Variants in TRPC5OS observed in about 807,000 individuals in gnomAD.
The protein encoded by TRPC5OS is TRPC5 opposite strand.
For missense variants in TRPC5OS, 64 were observed against 79.3 expected, an observed-to-expected ratio of 0.81 and a Z score of 0.73; for synonymous variants, 30 against 29.3, an observed-to-expected ratio of 1.02 and a Z score of -0.08.
chrX:111,886,719 G>A (rs749017401), intron 1 of TRPC5OS, among the ~76,000 whole-genome samples: 7 of 111,873 alleles, frequency 6.3e-5, no homozygotes, highest in Middle Eastern at 4.6e-3. Context: ...CTCCCTCTCT[G>A]GTACTGTGGA....
At chrX:111,882,230 A>G (rs1924258369) in intron 1 of TRPC5OS, among the ~76,000 whole-genome samples, 2 of 110,367 alleles carry the variant, frequency 1.8e-5, no homozygotes, top group South Asian at 3.9e-4. Flanking sequence ...GTTATATAAA[A>G]GAGTATCCCC....
intron 1 of TRPC5OS, among the ~76,000 whole-genome samples, chrX:111,888,706 A>AT (rs1924646855): frequency 9.6e-6 from 1 of 103,648 alleles, no homozygotes; most frequent in African/African-American, 3.6e-5. Flanking sequence ...AAAAAAAAAA[A>AT]AAAAAAAAAA....
intron 1 of TRPC5OS, among the ~76,000 whole-genome samples, chrX:111,880,965 A>G (rs767253388): frequency 6.0e-4 from 67 of 111,266 alleles, no homozygotes; most frequent in African/African-American, 2.0e-3. Context: ...AGGTTCTACA[A>G]ATGCTCAAAG....
chrX:111,883,399 C>G (rs1193942188), intron 1 of TRPC5OS, among the ~76,000 whole-genome samples: 1 of 112,040 alleles, frequency 8.9e-6, no homozygotes, highest in Non-Finnish European at 1.9e-5. Context: ...AGTTCCAGTC[C>G]CAGTCTACTT....
intron 3 of TRPC5OS, among the ~76,000 whole-genome samples, chrX:111,898,977 C>T (rs761656082): frequency 2.7e-5 from 3 of 110,317 alleles, no homozygotes; most frequent in Admixed American, 1.9e-4. Context: ...CCCCTTTAGG[C>T]TAGTTAAGGT....
In TRPC5OS at chrX:111,903,490, A is replaced by G. The variant is rs1294455091; in HGVS notation, c.*1305A>G. ...AATTAGCCAACCCTAAGATGTTGCT[A>G]TAAACAGCTGGTAGGCGATTGACAT... is the stretch of plus-strand genomic sequence containing the variant. On this transcript the variant is annotated 3_prime_UTR_variant, in exon 4 of 4. Coordinates refer to ENST00000635763, the MANE Select transcript of TRPC5OS (RefSeq NM_001195578.2). The G allele has an allele frequency of 1.8e-5, 2 of 112,279 alleles. No individual in the cohort carries two copies. Among genetic ancestry groups the G allele is most frequent in the Non-Finnish European group, 3.8e-5 (2 of 53,217 alleles). The allele number at this position is 112,279 out of a possible 1,213,427, so 9.3% of individuals were successfully genotyped here.
intron 3 of TRPC5OS, among the ~76,000 whole-genome samples, chrX:111,900,145 C>G (rs1925269868): frequency 8.9e-6 from 1 of 111,837 alleles, no homozygotes; most frequent in African/African-American, 3.2e-5. Context: ...TTTCTGTACT[C>G]CAATAAATAT....
intron 1 of TRPC5OS, among the ~76,000 whole-genome samples, chrX:111,886,912 G>T (rs1198902434): frequency 8.9e-6 from 1 of 112,988 alleles, no homozygotes; most frequent in Non-Finnish European, 1.9e-5. Context: ...GCAGAATGCA[G>T]CAGCTTCTGG....
intron 1 of TRPC5OS, among the ~76,000 whole-genome samples, chrX:111,885,036 T>C (rs1924410119): frequency 8.9e-6 from 1 of 112,918 alleles, no homozygotes; most frequent in Admixed American, 9.3e-5. Context: ...AGTCAGAGTC[T>C]AGTTAAGGCA....
intron 3 of TRPC5OS, among the ~76,000 whole-genome samples, chrX:111,898,842 T>C (rs1569527682): frequency 9.1e-6 from 1 of 109,935 alleles, no homozygotes; most frequent in Non-Finnish European, 1.9e-5. Context: ...AAAGTAGATA[T>C]CAGAATGACA....
chrX:111,877,807 G>A (rs371758305), intron 1 of TRPC5OS, among the ~76,000 whole-genome samples: 2 of 111,424 alleles, frequency 1.8e-5, no homozygotes, highest in South Asian at 7.7e-4. Flanking sequence ...ACCTATGTAG[G>A]TTGGCTGTAA....
chrX:111,898,297 G>GCACA (rs200189599), intron 3 of TRPC5OS, among the ~76,000 whole-genome samples: 1 of 101,899 alleles, frequency 9.8e-6, no homozygotes, highest in African/African-American at 3.6e-5. Flanking sequence ...GCGTGTGTGC[G>GCACA]CACACACACA....
intron 1 of TRPC5OS, among the ~76,000 whole-genome samples, chrX:111,894,555 T>A (rs1278431515): frequency 9.0e-6 from 1 of 111,326 alleles, no homozygotes; most frequent in Non-Finnish European, 1.9e-5. Flanking sequence ...GCCTTAGCAC[T>A]GCCATGAAGT....
At chrX:111,887,243 G>A (rs993598679) in intron 1 of TRPC5OS, among the ~76,000 whole-genome samples, 2 of 112,756 alleles carry the variant, frequency 1.8e-5, no homozygotes, top group Non-Finnish European at 3.7e-5. Flanking sequence ...TAGTTAGGAA[G>A]AAACAAATAA....
At chrX:111,896,731 A>G (rs897519574) in intron 3 of TRPC5OS, among the ~76,000 whole-genome samples, 1 of 111,725 alleles carries the variant, frequency 9.0e-6, no homozygotes, top group African/African-American at 3.3e-5. Flanking sequence ...GAATAAGGCA[A>G]ATTTGCTCCT....
rs191740185 is a variant in TRPC5OS at position 111,900,191 on chromosome X, G to T, written c.-310-1349G>T. ...TAGTCAGCTGAAAGTGAAGCCTGTG[G>T]CTTGCTGGGCCCCACTCTGGTCAGA... On this transcript the variant is annotated intron_variant, in intron 3 of 3. Transcript: ENST00000635763. 5.4e-5 allele frequency among the ~76,000 whole-genome samples: 6 copies of T among 111,860 alleles called. No individual in the cohort carries two copies. In the East Asian group the frequency reaches 1.7e-3, roughly 31 times the overall value.
intron 1 of TRPC5OS, among the ~76,000 whole-genome samples, chrX:111,885,988 GT>G (rs199615587): frequency 9.0e-6 from 1 of 111,516 alleles, no homozygotes; most frequent in East Asian, 2.8e-4. Flanking sequence ...TAAAAATAAT[GT>G]TTTTTTTCTG....
At chrX:111,890,071 T>A (rs1184788677) in intron 1 of TRPC5OS, among the ~76,000 whole-genome samples, 1 of 111,604 alleles carries the variant, frequency 9.0e-6, no homozygotes, top group African/African-American at 3.3e-5. Flanking sequence ...ATCCATGGAG[T>A]CAACCAACTG....
chrX:111,878,719 G>A (rs757462855), intron 1 of TRPC5OS, among the ~76,000 whole-genome samples: 1 of 111,464 alleles, frequency 9.0e-6, no homozygotes, highest in Non-Finnish European at 1.9e-5. Flanking sequence ...GGGTGGTGGA[G>A]AGGGAAATCA....
Sources: allele counts gnomAD v4.1 joint callset (sites outside exome capture counted in the v4.1 genomes callset), GRCh38; gene constraint gnomAD v4.1.1; transcripts MANE v1.5; gene names NCBI Gene and HGNC (gene_info 2026-07-23, HGNC 2026-07-21).